PARD3: variants seen among roughly 807,000 people sequenced by gnomAD.
PARD3 encodes the protein partitioning defective 3 homolog.
In PARD3, 75 loss-of-function variants were observed where a neutral mutation model predicts 155.4. That is an observed-to-expected ratio of 0.48 (90% CI 0.40 to 0.58). PARD3 has a LOEUF of 0.58. PARD3 is among the 20% of genes least tolerant of loss of function. The pLI is 0.00. For synonymous variants in PARD3, 576 were observed against 610.5 expected, an observed-to-expected ratio of 0.94 and a Z score of 0.83; for missense variants, 1,642 against 1,721.7, an observed-to-expected ratio of 0.95 and a Z score of 0.82.
chr10:34,632,477 G>T (rs893827422), intron 2 of PARD3, among the ~76,000 whole-genome samples: 21 of 152,114 alleles, frequency 1.4e-4, no homozygotes, highest in Admixed American at 1.2e-3. Flanking sequence ...AATTAACTTT[G>T]GTTTTAAGGG....
At chr10:34,635,492 G>T (rs2092436215) in intron 2 of PARD3, among the ~76,000 whole-genome samples, 1 of 152,112 alleles carries the variant, frequency 6.6e-6, no homozygotes, top group Admixed American at 6.5e-5. Flanking sequence ...AGTGGTAAGG[G>T]GTCTCAATGT....
At chr10:34,154,609 T>A (rs1237872027) in intron 22 of PARD3, among the ~76,000 whole-genome samples, 3 of 152,232 alleles carry the variant, frequency 2.0e-5, no homozygotes, top group Non-Finnish European at 4.4e-5. Flanking sequence ...ACTTGCCCTG[T>A]AGAAGACTAA....
chr10:34,135,659 C>T (rs1373539604), intron 22 of PARD3, among the ~76,000 whole-genome samples: 2 of 152,270 alleles, frequency 1.3e-5, no homozygotes, highest in East Asian at 1.9e-4. Context: ...GCCTGCCCCG[C>T]ACCTGTGCCC....
chr10:34,478,159 A>AT (rs1186908794), intron 3 of PARD3, among the ~76,000 whole-genome samples: 1 of 152,126 alleles, frequency 6.6e-6, no homozygotes, highest in Non-Finnish European at 1.5e-5. Flanking sequence ...TTGTTATTAA[A>AT]TTTTTTTTCT....
Position 34,119,687 on chromosome 10 carries a change from C to A in PARD3, c.3594G>T (p.Val1198=), listed in dbSNP as rs1248463831. 4 of 1,612,966 alleles carry A rather than the reference C, an allele frequency of 2.5e-6. No homozygotes were observed. The South Asian group carries it at 4.4e-5, about 18-fold the overall frequency. The change falls in exon 24 of 25, where the codon GTG becomes GTT. Residue 1198 remains valine (V), a synonymous_variant. Coordinates refer to ENST00000374788, the MANE Select transcript of PARD3 (RefSeq NM_001184785.2). ...CCTCCTGCCGCTGCCGCTGCATCTG[C>A]ACCTCCACGGACACCGAGTGTCGCC... is the stretch of plus-strand genomic sequence containing the variant. ...QSGRHSVSVE[V]QMQRQRQEER...
At chr10:34,470,046 A>C (rs981554183) in intron 4 of PARD3, 39 bp downstream of exon 4, 31 of 1,509,048 alleles carry the variant, frequency 2.1e-5, no homozygotes, top group Non-Finnish European at 2.8e-5. Flanking sequence ...AGAAGTCAGG[A>C]GGGGCAAGAG....
intron 20 of PARD3, among the ~76,000 whole-genome samples, chr10:34,291,582 C>A (rs1956676254): frequency 2.0e-5 from 3 of 152,160 alleles, no homozygotes. Flanking sequence ...CCTCAGTAAG[C>A]ACAGGGGCTT....
chr10:34,374,156 T>G (rs1481105807), intron 11 of PARD3, among the ~76,000 whole-genome samples: 1 of 152,140 alleles, frequency 6.6e-6, no homozygotes, highest in Non-Finnish European at 1.5e-5. Flanking sequence ...TATATATAAA[T>G]GAAACCTAGC....
At chr10:34,549,485 TTTTG>T (rs374570354) in intron 2 of PARD3, among the ~76,000 whole-genome samples, 28 of 152,156 alleles carry the variant, frequency 1.8e-4, no homozygotes, top group South Asian at 4.2e-4. Context: ...GGGATCTGGT[TTTTG>T]TTTGTTTGTT....
intron 15 of PARD3, chr10:34,345,724 T>A (rs1837345101): frequency 1.0e-6 from 1 of 985,210 alleles, no homozygotes; most frequent in East Asian, 1.1e-4. Flanking sequence ...AGTTTCCTAA[T>A]TTTTTTGCCC....
chr10:34,326,643 T>C (rs1835062104), intron 19 of PARD3, among the ~76,000 whole-genome samples: 1 of 152,200 alleles, frequency 6.6e-6, no homozygotes, highest in Non-Finnish European at 1.5e-5. Context: ...GAAAATGAGA[T>C]ATCAAAGGCA....
chr10:34,517,055 G>T lies in PARD3; in HGVS notation c.327C>A (p.Gly109=). 6.2e-7 allele frequency: 1 copy of T among 1,614,196 alleles called. No homozygotes were observed. Reference sequence around the variant, plus strand: ...GCTGAAAGGCTGAGACATTGTTGGTGCCAAGCTCACTACCAAATATCTCTG... The same window carrying T: ...GCTGAAAGGCTGAGACATTGTTGGTTCCAAGCTCACTACCAAATATCTCTG... The part of the protein sequence containing the change: ...QSPEIFGSEL[G]TNNVSAFQPY... The change falls in exon 3 of 25, where the codon GGC becomes GGA. Residue 109 remains glycine (G), a synonymous_variant. Transcript: ENST00000374788.
chr10:34,465,290 T>C (rs1161324069), intron 4 of PARD3, among the ~76,000 whole-genome samples: 1 of 152,022 alleles, frequency 6.6e-6, no homozygotes, highest in Non-Finnish European at 1.5e-5. Flanking sequence ...ACCGTACATA[T>C]GCAAAGAGCA....
intron 2 of PARD3, among the ~76,000 whole-genome samples, chr10:34,613,522 A>G (rs1322405669): frequency 3.3e-5 from 5 of 152,114 alleles, no homozygotes; most frequent in Non-Finnish European, 1.5e-5. Flanking sequence ...ATTACTACCC[A>G]CTCTCTGAAA....
At chr10:34,189,488 G>C (rs1950615549) in intron 22 of PARD3, among the ~76,000 whole-genome samples, 1 of 152,350 alleles carries the variant, frequency 6.6e-6, no homozygotes, top group East Asian at 1.9e-4. Context: ...AACGATACTA[G>C]TGGTCACTGC....
intron 2 of PARD3, among the ~76,000 whole-genome samples, chr10:34,613,021 TCAAC>T (rs1217249779): frequency 6.6e-6 from 1 of 152,168 alleles, no homozygotes; most frequent in Non-Finnish European, 1.5e-5. Flanking sequence ...TGACCATAAA[TCAAC>T]CAAAGCTACA....
intron 18 of PARD3, among the ~76,000 whole-genome samples, chr10:34,335,680 T>C (rs116490098): frequency 2.4e-4 from 37 of 152,210 alleles, no homozygotes; most frequent in African/African-American, 8.4e-4. Context: ...GTCAGGTTAA[T>C]TATAAGCTAA....
At chr10:34,634,986 G>C (rs1358983434) in intron 2 of PARD3, among the ~76,000 whole-genome samples, 1 of 152,202 alleles carries the variant, frequency 6.6e-6, no homozygotes, top group Non-Finnish European at 1.5e-5. Flanking sequence ...CCTGAAGAAT[G>C]GCGGCCTACA....
At chr10:34,231,327 C>T (rs1952920397) in intron 22 of PARD3, among the ~76,000 whole-genome samples, 1 of 141,570 alleles carries the variant, frequency 7.1e-6, no homozygotes, top group Non-Finnish European at 1.5e-5. Flanking sequence ...ACTTTTGGTT[C>T]CTGAACTATA....
Sources: allele counts gnomAD v4.1 joint callset (sites outside exome capture counted in the v4.1 genomes callset), GRCh38; gene constraint gnomAD v4.1.1; transcripts MANE v1.5; gene names NCBI Gene and HGNC (gene_info 2026-07-23, HGNC 2026-07-21).